SYNPR: variants seen among roughly 807,000 people sequenced by gnomAD.
SYNPR encodes the protein synaptoporin.
Under a neutral mutation model 32.9 loss-of-function variants are expected in SYNPR, and 23 were observed. That is an observed-to-expected ratio of 0.70 (90% CI 0.50 to 0.99). SYNPR has a LOEUF of 0.99. Ranked by LOEUF, SYNPR falls within the 50% of genes least tolerant of loss-of-function variation. The pLI is 0.00. For missense variants in SYNPR, 318 were observed against 349.3 expected, an observed-to-expected ratio of 0.91 and a Z score of 0.71; for synonymous variants, 146 against 135.9, an observed-to-expected ratio of 1.07 and a Z score of -0.52.
chr3:63,254,732 T>C (rs2086367469), intron 2 of SYNPR, among the ~76,000 whole-genome samples: 1 of 152,200 alleles, frequency 6.6e-6, no homozygotes, highest in South Asian at 2.1e-4. Context: ...AATTTGTACG[T>C]TGGAGTCCTA....
At chr3:63,562,184 AG>A (rs1239466442) in intron 4 of SYNPR, among the ~76,000 whole-genome samples, 1 of 152,220 alleles carries the variant, frequency 6.6e-6, no homozygotes, top group African/African-American at 2.4e-5. Flanking sequence ...TCTCCTGCCT[AG>A]GTTACTGTGA....
intron 2 of SYNPR, among the ~76,000 whole-genome samples, chr3:63,427,143 C>G (rs1054975888): frequency 8.5e-6 from 1 of 117,794 alleles, no homozygotes. Flanking sequence ...TGTTCTTTAT[C>G]TTTAAAAAAA....
intron 2 of SYNPR, among the ~76,000 whole-genome samples, chr3:63,360,100 G>C (rs571477839): frequency 5.9e-4 from 89 of 152,136 alleles, no homozygotes; most frequent in South Asian, 1.0e-3. Flanking sequence ...TGGATCATAA[G>C]TGTCTCAGAT....
chr3:63,304,482 A>G (rs1523442), intron 2 of SYNPR, among the ~76,000 whole-genome samples: 5,846 of 152,134 alleles, frequency 0.038, 219 homozygotes, highest in East Asian at 0.13. Context: ...AAGAAATGGC[A>G]TAACCTACAA....
chr3:63,322,303 G>A (rs924107446), intron 2 of SYNPR, among the ~76,000 whole-genome samples: 4 of 152,078 alleles, frequency 2.6e-5, no homozygotes, highest in Admixed American at 1.3e-4. Flanking sequence ...ACATTTCAGT[G>A]CCACATGTGG....
At position 63,234,766 on chromosome 3, in the gene SYNPR, C is replaced by G. The variant is rs73106633; in HGVS notation, n.66+6386C>G. ...GCATGTTCTGCTCGGGGCCAGTGGG[C>G]CTGTGCCAATCTGCTGTTTCTCATA... On this transcript the variant is annotated intron_variant and non_coding_transcript_variant, in intron 1 of 4. Coordinates refer to the SYNPR transcript ENST00000478456. 4.2e-3 allele frequency among the ~76,000 whole-genome samples: 640 copies of G among 152,252 alleles called. 4 individuals carry two copies. The highest frequency in any genetic ancestry group is 7.2e-3 in the Non-Finnish European group (493 of 68,022).
chr3:63,474,441 G>C lies in SYNPR; in HGVS notation c.85-6391G>C, dbSNP rs80261617. 9.5e-3 allele frequency among the ~76,000 whole-genome samples: 1,450 copies of C among 152,316 alleles called. 21 individuals are homozygous for C. Among genetic ancestry groups the C allele is most frequent in the African/African-American group, 0.032 (1,343 of 41,578 alleles). ...ACTAAATAAGTGAGTAAGTAATTGA[G>C]TGGATGAATGAGTGAATGAATGATT... is the stretch of plus-strand genomic sequence containing the variant. On this transcript the variant is annotated intron_variant, in intron 2 of 5. Coordinates refer to ENST00000478300, the MANE Select transcript of SYNPR (RefSeq NM_001130003.2).
intron 3 of SYNPR, among the ~76,000 whole-genome samples, chr3:63,490,145 G>C (rs371284499): frequency 6.6e-6 from 1 of 152,106 alleles, no homozygotes; most frequent in Admixed American, 6.6e-5. Flanking sequence ...GAGAGGGAGA[G>C]CCTCAAAGAT....
intron 1 of SYNPR, among the ~76,000 whole-genome samples, chr3:63,239,718 C>A (rs548945632): frequency 6.6e-6 from 1 of 151,840 alleles, no homozygotes; most frequent in East Asian, 2.0e-4. Context: ...ATGCCCCCAA[C>A]CTACCATTGT....
chr3:63,279,826 T>C (rs968970739), intron 2 of SYNPR, among the ~76,000 whole-genome samples: 2 of 152,224 alleles, frequency 1.3e-5, no homozygotes, highest in Admixed American at 1.3e-4. Flanking sequence ...TACATTTACC[T>C]TGTTTGTAGA....
At chr3:63,210,654 A>C in the SYNPR span, among the ~76,000 whole-genome samples, 1 of 152,186 alleles carries the variant, frequency 6.6e-6, no homozygotes, top group Admixed American at 6.5e-5. Flanking sequence ...GAAGAATAGG[A>C]ATGATGAAGA....
chr3:63,516,730 A>C (rs1000416039), intron 3 of SYNPR, among the ~76,000 whole-genome samples: 2 of 152,084 alleles, frequency 1.3e-5, no homozygotes, highest in Non-Finnish European at 2.9e-5. Context: ...TTCAGAGCAG[A>C]GTTCCAAAAG....
chr3:63,439,943 C>T (rs1334767774), intron 2 of SYNPR, among the ~76,000 whole-genome samples: 1 of 152,156 alleles, frequency 6.6e-6, no homozygotes, highest in Non-Finnish European at 1.5e-5. Context: ...GGCAGGTACT[C>T]TCTGAAACAC....
At chr3:63,496,276 T>C (rs1701371271) in intron 3 of SYNPR, among the ~76,000 whole-genome samples, 1 of 152,124 alleles carries the variant, frequency 6.6e-6, no homozygotes, top group African/African-American at 2.4e-5. Flanking sequence ...ATAATTTTGA[T>C]GTAAATATTA....
At chr3:63,327,999 T>C (rs1275122114) in intron 2 of SYNPR, among the ~76,000 whole-genome samples, 1 of 152,162 alleles carries the variant, frequency 6.6e-6, no homozygotes, top group African/African-American at 2.4e-5. Context: ...TAAATATTGT[T>C]AGCAAATTAA....
rs1407882608 is a variant in SYNPR at position 63,427,089 on chromosome 3, G to A, written c.85-53743G>A. On this transcript the variant is annotated intron_variant, in intron 2 of 5. Coordinates refer to ENST00000478300, the MANE Select transcript of SYNPR (RefSeq NM_001130003.2). ...AAATTCAAACTTGGAAGACCAACCG[G>A]TCTCAAGCTACTTGTTTGAAAGGAT... 2.6e-5 allele frequency among the ~76,000 whole-genome samples: 4 copies of A among 151,404 alleles called. No homozygotes were observed. The East Asian group carries it at 5.9e-4, about 22-fold the overall frequency.
chr3:63,259,126 T>C (rs575005329), intron 2 of SYNPR, among the ~76,000 whole-genome samples: 10 of 152,222 alleles, frequency 6.6e-5, no homozygotes, highest in East Asian at 3.9e-4. Context: ...GATTCACAGC[T>C]GAATTCTACC....
At chr3:63,547,208 G>C (rs1445951667) in intron 3 of SYNPR, among the ~76,000 whole-genome samples, 1 of 152,028 alleles carries the variant, frequency 6.6e-6, no homozygotes, top group Non-Finnish European at 1.5e-5. Context: ...ATTGATCCTT[G>C]TCACCTTCCA....
intron 2 of SYNPR, among the ~76,000 whole-genome samples, chr3:63,405,140 C>T (rs2107107227): frequency 6.6e-6 from 1 of 152,266 alleles, no homozygotes; most frequent in South Asian, 2.1e-4. Flanking sequence ...CTCCTCTGTC[C>T]TTCCCCTTTC....
Sources: gnomAD v4.1 joint callset for allele counts (sites outside exome capture counted in the v4.1 genomes callset) on GRCh38, gnomAD v4.1.1 for gene constraint, MANE v1.5 for transcripts, NCBI Gene and HGNC (gene_info 2026-07-23, HGNC 2026-07-21) for gene names.